The following SHANK2 variants were observed in gnomAD, a reference collection of about 807,000 sequenced individuals.
The protein encoded by SHANK2 is SH3 and multiple ankyrin repeat domains protein 2.
Under a neutral mutation model 133.7 loss-of-function variants are expected in SHANK2, and 43 were observed. The observed-to-expected ratio is 0.32, with a 90% CI of 0.25 to 0.41. The LOEUF is 0.41. Ranked by LOEUF, SHANK2 falls within the 10% of genes least tolerant of loss-of-function variation. The pLI, the probability that SHANK2 is intolerant of heterozygous loss-of-function variation, is 1.00. For missense variants in SHANK2, 1,994 were observed against 2,235.8 expected (o/e 0.89, Z 2.18); for synonymous variants, 1,017 against 952.8 (o/e 1.07, Z -1.24).
intron 14 of SHANK2, among the ~76,000 whole-genome samples, chr11:70,748,644 T>A (rs1251239161): frequency 1.3e-5 from 2 of 152,150 alleles, no homozygotes; most frequent in African/African-American, 4.8e-5. Context: ...TCACAGATAC[T>A]AGAAACTTTC....
intron 8 of SHANK2, among the ~76,000 whole-genome samples, chr11:71,080,166 T>A (rs1951278731): frequency 6.6e-6 from 1 of 152,032 alleles, no homozygotes; most frequent in Non-Finnish European, 1.5e-5. Context: ...AACACTGCCC[T>A]TGACACCTGC....
At chr11:71,186,308 G>A (rs544102619) in intron 2 of SHANK2, among the ~76,000 whole-genome samples, 110 of 152,166 alleles carry the variant, frequency 7.2e-4, no homozygotes, top group Non-Finnish European at 1.3e-3. Flanking sequence ...CCAGTCATTC[G>A]GTGGAGTGGA....
intron 15 of SHANK2, among the ~76,000 whole-genome samples, chr11:70,678,414 A>G (rs1717903327): frequency 1.3e-5 from 2 of 151,890 alleles, no homozygotes; most frequent in Admixed American, 1.3e-4. Flanking sequence ...GATTCCAGGC[A>G]TGAGCCACCA....
intron 10 of SHANK2, among the ~76,000 whole-genome samples, chr11:70,913,236 T>C (rs563459525): frequency 6.6e-6 from 1 of 152,248 alleles, no homozygotes; most frequent in African/African-American, 2.4e-5. Flanking sequence ...TATAAAGAGA[T>C]TTGTTTTCCT....
At chr11:70,699,187 T>G (rs1407779441) in intron 14 of SHANK2, among the ~76,000 whole-genome samples, 1 of 151,648 alleles carries the variant, frequency 6.6e-6, no homozygotes, top group African/African-American at 2.4e-5. Flanking sequence ...TGCAGACAAC[T>G]GCCATTTGGG....
intron 17 of SHANK2, among the ~76,000 whole-genome samples, chr11:70,620,983 G>A (rs2060822017): frequency 1.3e-5 from 2 of 152,220 alleles, no homozygotes; most frequent in Admixed American, 1.3e-4. Context: ...GTGGGGTCCG[G>A]TATGACGTAA....
At chr11:70,875,149 G>A (rs1285048203) in intron 11 of SHANK2, among the ~76,000 whole-genome samples, 1 of 152,096 alleles carries the variant, frequency 6.6e-6, no homozygotes, top group Non-Finnish European at 1.5e-5. Context: ...TTTAGAACGG[G>A]GGGACATGGT....
At chr11:70,824,555 T>C (rs1555056821) in intron 11 of SHANK2, among the ~76,000 whole-genome samples, 1 of 152,078 alleles carries the variant, frequency 6.6e-6, no homozygotes, top group African/African-American at 2.4e-5. Flanking sequence ...TGGACATCTC[T>C]CCTTCCAGAG....
Position 71,188,199 on chromosome 11 carries a change from A to T in SHANK2, c.-13+36498T>A, listed in dbSNP as rs1372856148. 6.6e-6 allele frequency among the ~76,000 whole-genome samples: 1 copy of T among 152,012 alleles called. No individual in the cohort carries two copies. The highest frequency in any genetic ancestry group is 1.5e-5 in the Non-Finnish European group (1 of 68,002). ...GAGACCTGGTGATCTTGCCACCTCC[A>T]TCTCTCTCACATCCTGCTGAGACCT... On this transcript the variant is annotated intron_variant, in intron 2 of 25. Coordinates refer to ENST00000601538, the MANE Select transcript of SHANK2 (RefSeq NM_012309.5). This position sits in a 1 kb window ranked among gnomAD's most constrained non-coding sequence, Gnocchi z 4.6.
chr11:70,766,212 CA>C (rs1426827686), intron 14 of SHANK2, among the ~76,000 whole-genome samples: 1 of 152,238 alleles, frequency 6.6e-6, no homozygotes, highest in African/African-American at 2.4e-5. Context: ...AACTGCGAGG[CA>C]GCCTATTAAG....
intron 2 of SHANK2, among the ~76,000 whole-genome samples, chr11:71,212,848 GA>G (rs1555119054): frequency 6.6e-6 from 1 of 152,088 alleles, no homozygotes; most frequent in African/African-American, 2.4e-5. Flanking sequence ...AACCAGGTCG[GA>G]ACAGCAGGTG....
intron 14 of SHANK2, among the ~76,000 whole-genome samples, chr11:70,762,821 C>T (rs1390203309): frequency 6.6e-6 from 1 of 152,208 alleles, no homozygotes; most frequent in Non-Finnish European, 1.5e-5. Context: ...GAAATGTGTG[C>T]CCTCATTTCA....
rs529215539 is a variant in SHANK2, at chr11:70,535,666, G to A, written c.2062-32735C>T. ...TGGGGAATGAATAACTCCTGGCCCC[G>A]CCTTTAAGGGCTGCACAGTTGGGCA... On this transcript the variant is annotated intron_variant, in intron 17 of 25. Transcript: ENST00000601538. This position sits in a 1 kb window ranked among gnomAD's most constrained non-coding sequence, Gnocchi z 4.3. Among the ~76,000 whole-genome samples the A allele has an allele frequency of 3.3e-5, 5 of 152,352 alleles. No individual in the cohort carries two copies. The East Asian group carries it at 5.8e-4, about 18-fold the overall frequency.
intron 14 of SHANK2, among the ~76,000 whole-genome samples, chr11:70,785,858 G>A (rs1301075929): frequency 4.6e-5 from 7 of 152,226 alleles, no homozygotes; most frequent in African/African-American, 1.7e-4. Context: ...GGTCGAGGGA[G>A]TGGACATGGG....
chr11:71,244,437 C>A (rs188251542), intron 1 of SHANK2, among the ~76,000 whole-genome samples: 1 of 152,058 alleles, frequency 6.6e-6, no homozygotes, highest in Non-Finnish European at 1.5e-5. Context: ...GCGGATCACA[C>A]GCTCCTCCCA....
chr11:70,950,566 G>T (rs2135891513), intron 10 of SHANK2, among the ~76,000 whole-genome samples: 1 of 152,090 alleles, frequency 6.6e-6, no homozygotes, highest in African/African-American at 2.4e-5. Context: ...ACCTCCAAAA[G>T]GTCCCACCTC....
Position 70,798,486 on chromosome 11 carries a change from C to T in SHANK2, c.1734G>A (p.Glu578=). 1 of 718,584 alleles carries T rather than the reference C, an allele frequency of 1.4e-6. No homozygotes were observed. The highest frequency in any genetic ancestry group is 2.6e-6 in the Non-Finnish European group (1 of 385,108). The allele number at this position is 718,584 out of a possible 1,614,324, so 44.5% of individuals were successfully genotyped here. The change falls in exon 14 of 26, where the codon GAG becomes GAA. Residue 578 remains glutamate, a synonymous_variant. Transcript: ENST00000601538. ...ARGHIGWFPA[E]CVEEVQCKPR... ...GCTTACACTGGACCTCCTCCACGCACTCCGCCGGAAACCATCCGATGTGGC... is the reference window on the plus strand; with the variant it reads ...GCTTACACTGGACCTCCTCCACGCATTCCGCCGGAAACCATCCGATGTGGC...
chr11:70,560,300 TA>T (rs1166453806), intron 17 of SHANK2, among the ~76,000 whole-genome samples: 6 of 152,032 alleles, frequency 3.9e-5, no homozygotes, highest in Non-Finnish European at 5.9e-5. Context: ...CTTCAAAAAA[TA>T]CAAACTAGGA....
intron 14 of SHANK2, among the ~76,000 whole-genome samples, chr11:70,716,232 T>C (rs1945914710): frequency 6.6e-6 from 1 of 152,040 alleles, no homozygotes; most frequent in African/African-American, 2.4e-5. Context: ...AAGCATCTCC[T>C]GGCACGAGGT....
Sources: gnomAD v4.1 joint callset for allele counts (sites outside exome capture counted in the v4.1 genomes callset) on GRCh38, gnomAD v4.1.1 for gene constraint, Gnocchi (gnomAD v3.1) non-coding constraint, MANE v1.5 for transcripts, NCBI Gene and HGNC (gene_info 2026-07-23, HGNC 2026-07-21) for gene names.